Variants in SMURF2 observed in about 807,000 individuals in gnomAD.
SMURF2 encodes the protein E3 ubiquitin-protein ligase SMURF2.
In SMURF2, 48 loss-of-function variants were observed where a neutral mutation model predicts 109.6. The ratio of observed to expected loss-of-function variants is 0.44; its 90% CI spans 0.35 to 0.56. The LOEUF (loss-of-function observed/expected upper bound fraction) is 0.56. SMURF2 is among the 20% of genes least tolerant of loss of function. The probability of loss-of-function intolerance (pLI) is 0.01; values close to 1 mark genes in which losing one functional copy is unlikely to be tolerated. For synonymous variants in SMURF2, 288 were observed against 317.1 expected, an observed-to-expected ratio of 0.91 and a Z score of 0.97; for missense variants, 575 against 909.0, an observed-to-expected ratio of 0.63 and a Z score of 4.72.
intron 10 of SMURF2, among the ~76,000 whole-genome samples, chr17:64,570,677 G>A (rs1458789137): frequency 1.3e-5 from 2 of 152,216 alleles, no homozygotes; most frequent in African/African-American, 4.8e-5. Context: ...GGCAACGTAT[G>A]GAAAGTCATG....
At chr17:64,609,471 A>G (rs1370307012) in intron 1 of SMURF2, among the ~76,000 whole-genome samples, 1 of 152,154 alleles carries the variant, frequency 6.6e-6, no homozygotes, top group African/African-American at 2.4e-5. Context: ...AACACCACAC[A>G]TCTACAACCA....
chr17:64,580,583 G>C (rs1341282897), intron 8 of SMURF2, among the ~76,000 whole-genome samples: 3 of 152,170 alleles, frequency 2.0e-5, no homozygotes, highest in Admixed American at 1.3e-4. Flanking sequence ...CAAACGCTGA[G>C]GCTGAATGAT....
At chr17:64,553,930 G>C (rs1969081733) in intron 15 of SMURF2, among the ~76,000 whole-genome samples, 1 of 152,154 alleles carries the variant, frequency 6.6e-6, no homozygotes, top group East Asian at 1.9e-4. Flanking sequence ...TATCATGCAA[G>C]TTTCTGTGTA....
chr17:64,597,449 G>A lies in SMURF2; in HGVS notation c.200+933C>T, dbSNP rs28444087. On this transcript the variant is annotated intron_variant, in intron 3 of 18. Transcript: ENST00000262435. ...ATTTTTAATAATAAAAAATAAAGCC[G>A]AATCATCTTCTAGGTAGGAAATTCA... 9.2e-3 allele frequency among the ~76,000 whole-genome samples: 1,405 copies of A among 152,012 alleles called. 28 individuals carry two copies. Among genetic ancestry groups the A allele is most frequent in the African/African-American group, 0.032 (1,325 of 41,466 alleles).
chr17:64,593,673 T>C, intron 3 of SMURF2, 100 bp from the exon 4 acceptor site: 4 of 1,021,572 alleles, frequency 3.9e-6, no homozygotes, highest in Non-Finnish European at 5.4e-6. Context: ...ACTAATATGC[T>C]TCAGAATCTG....
chr17:64,564,708 T>G (rs1165463109), intron 10 of SMURF2, among the ~76,000 whole-genome samples: 1 of 152,140 alleles, frequency 6.6e-6, no homozygotes, highest in Non-Finnish European at 1.5e-5. Flanking sequence ...CAGAAACCAC[T>G]GGGAAGTTAG....
rs145125663 is a variant in SMURF2, at chr17:64,563,523, T to C, written c.1017-557A>G. Among the ~76,000 whole-genome samples, 42 of 152,340 alleles carry C rather than the reference T, an allele frequency of 2.8e-4. No homozygotes were observed. The East Asian group carries it at 8.1e-3, about 29-fold the overall frequency. ...ACATACACACAAAATCAAAACAGATTACCGTGTACATAAATGCATTCCATA... is the reference window on the plus strand; with the variant it reads ...ACATACACACAAAATCAAAACAGATCACCGTGTACATAAATGCATTCCATA... On this transcript the variant is annotated intron_variant, in intron 10 of 18. Transcript: ENST00000262435.
chr17:64,617,409 T>G (rs1555690202), intron 1 of SMURF2, among the ~76,000 whole-genome samples: 1 of 152,220 alleles, frequency 6.6e-6, no homozygotes, highest in African/African-American at 2.4e-5. Flanking sequence ...ATACAGGTTC[T>G]GAGGTAATTA....
Position 64,644,801 on chromosome 17 carries a change from T to C in SMURF2, c.52+17028A>G, listed in dbSNP as rs571956993. Among the ~76,000 whole-genome samples the C allele has an allele frequency of 2.0e-5, 3 of 151,316 alleles. No individual in the cohort carries two copies. In the Admixed American group the frequency reaches 2.0e-4, roughly 10 times the overall value. On this transcript the variant is annotated intron_variant, in intron 1 of 18. Coordinates refer to ENST00000262435, the MANE Select transcript of SMURF2 (RefSeq NM_022739.4). Reference sequence around the variant, plus strand: ...GTGGCGTGCCTGTGATCCCAGCTACTTGGGAAGCTGTCTCATGGTGAAACC... The same window carrying C: ...GTGGCGTGCCTGTGATCCCAGCTACCTGGGAAGCTGTCTCATGGTGAAACC...
In SMURF2 at chr17:64,578,472, T is replaced by C. The variant is rs1292072639; in HGVS notation, c.857+20A>G. 5.9e-6 allele frequency: 9 copies of C among 1,537,128 alleles called. No individual in the cohort carries two copies. The highest frequency in any genetic ancestry group is 8.1e-6 in the Non-Finnish European group (9 of 1,111,774). On this transcript the variant is annotated intron_variant, in intron 9 of 18. Coordinates refer to ENST00000262435, the MANE Select transcript of SMURF2 (RefSeq NM_022739.4). Reference sequence around the variant, plus strand: ...AATGGCTCTTTGATGGTCTAAAGAGTGCTTAAAATACGTTCTTACCTGGGC... The same window carrying C: ...AATGGCTCTTTGATGGTCTAAAGAGCGCTTAAAATACGTTCTTACCTGGGC...
In SMURF2 at chr17:64,606,636, G is replaced by C. The variant is rs782083406; in HGVS notation, c.57C>G (p.Leu19=). 2.0e-6 allele frequency: 3 copies of C among 1,527,944 alleles called. No individual in the cohort carries two copies. In the Admixed American group the frequency reaches 6.4e-5, roughly 33 times the overall value. 94.6% of individuals were successfully genotyped at this position (1,527,944 alleles called of 1,614,324 possible). ...CCTTTTTCACCAGGTTTTTTGCACA[G>C]AGTACTGTAAAAAAAAAAAACAAAA... The part of the protein sequence containing the change: ...NGPVKLRLTV[L]CAKNLVKKDF... Residue 19 remains leucine, a synonymous_variant, in exon 2 of 19, where the codon CTC becomes CTG. Coordinates refer to ENST00000262435, the MANE Select transcript of SMURF2 (RefSeq NM_022739.4).
chr17:64,583,357 G>T, intron 7 of SMURF2, 104 bp downstream of exon 7: 1 of 900,684 alleles, frequency 1.1e-6, no homozygotes, highest in Non-Finnish European at 1.8e-6. Context: ...ATCTACGACA[G>T]CAAAAACCAA....
chr17:64,558,328 G>A (rs1969154450), intron 12 of SMURF2, among the ~76,000 whole-genome samples: 1 of 152,064 alleles, frequency 6.6e-6, no homozygotes, highest in South Asian at 2.1e-4. Context: ...GAGCCCTGGA[G>A]GTTGAGGCTG....
At chr17:64,626,649 G>T (rs1598302720) in intron 1 of SMURF2, among the ~76,000 whole-genome samples, 1 of 152,194 alleles carries the variant, frequency 6.6e-6, no homozygotes, top group South Asian at 2.1e-4. Context: ...TGTAGTCCCA[G>T]ATACTCAGGA....
At chr17:64,654,295 T>C (rs1970677589) in intron 1 of SMURF2, among the ~76,000 whole-genome samples, 2 of 152,216 alleles carry the variant, frequency 1.3e-5, no homozygotes, top group South Asian at 2.1e-4. Flanking sequence ...GTTGACACTT[T>C]TTAATATAAT....
chr17:64,606,667 A>T, intron 1 of SMURF2, 27 bp from the exon 2 acceptor site: 1 of 1,452,830 alleles, frequency 6.9e-7, no homozygotes, highest in Non-Finnish European at 9.3e-7. Flanking sequence ...CAAAAAATAC[A>T]TGGGAAAAAT....
intron 8 of SMURF2, among the ~76,000 whole-genome samples, chr17:64,578,804 C>T (rs1189369878): frequency 9.2e-5 from 14 of 152,152 alleles, no homozygotes; most frequent in African/African-American, 3.1e-4. Flanking sequence ...AAACTTATAA[C>T]GTGGCTTAAA....
intron 1 of SMURF2, among the ~76,000 whole-genome samples, chr17:64,627,111 C>CTTTTT (rs1204553792): frequency 5.0e-5 from 6 of 120,128 alleles, no homozygotes; most frequent in African/African-American, 6.9e-5. Context: ...AGTTTTTTTC[C>CTTTTT]TTTTTTTTTT....
At chr17:64,551,204 A>T (rs1302551428) in intron 16 of SMURF2, among the ~76,000 whole-genome samples, 1 of 152,086 alleles carries the variant, frequency 6.6e-6, no homozygotes, top group African/African-American at 2.4e-5. Context: ...TACCAAAAAA[A>T]ACAAAAAAAT....
Sources: allele counts gnomAD v4.1 joint callset (sites outside exome capture counted in the v4.1 genomes callset), GRCh38; gene constraint gnomAD v4.1.1; transcripts MANE v1.5; gene names NCBI Gene and HGNC (gene_info 2026-07-23, HGNC 2026-07-21).